The following DAB1 variants were observed in gnomAD, a reference collection of about 807,000 sequenced individuals.
DAB1 encodes disabled homolog 1.
Under a neutral mutation model 64.6 loss-of-function variants are expected in DAB1, and 15 were observed. The ratio of observed to expected loss-of-function variants is 0.23; its 90% CI spans 0.16 to 0.36. The LOEUF (loss-of-function observed/expected upper bound fraction) is 0.36, where lower values mean the gene tolerates loss of function less well. Among genes scored for constraint, DAB1 ranks in the 10% least tolerant of loss-of-function variants. DAB1 has a pLI of 1.00. For missense variants in DAB1, 596 were observed against 706.7 expected (o/e 0.84, Z 1.78); for synonymous variants, 235 against 251.9 (o/e 0.93, Z 0.64).
chr1:58,388,366 T>C (rs1644450523), intron 3 of DAB1, among the ~76,000 whole-genome samples: 1 of 152,188 alleles, frequency 6.6e-6, no homozygotes, highest in Non-Finnish European at 1.5e-5. Flanking sequence ...AAAAGACTAT[T>C]GAGTGGAGAT....
intron 5 of DAB1, among the ~76,000 whole-genome samples, chr1:58,045,606 C>T (rs1041069441): frequency 1.0e-4 from 15 of 145,478 alleles, no homozygotes; most frequent in African/African-American, 3.7e-4. Flanking sequence ...AACTGTCTCT[C>T]CAAATTGCTA....
chr1:58,232,727 G>C (rs1228405440), intron 4 of DAB1, among the ~76,000 whole-genome samples: 4 of 152,170 alleles, frequency 2.6e-5, no homozygotes, highest in Non-Finnish European at 4.4e-5. Flanking sequence ...TTGATGACAG[G>C]AGATTTGCTG....
intron 6 of DAB1, among the ~76,000 whole-genome samples, chr1:57,802,856 T>A (rs1651193355): frequency 6.6e-6 from 1 of 152,206 alleles, no homozygotes; most frequent in Non-Finnish European, 1.5e-5. Context: ...GTTTTTGGTA[T>A]TTTTTAAATA....
At chr1:57,990,318 T>C (rs1457641434) in intron 5 of DAB1, among the ~76,000 whole-genome samples, 2 of 152,168 alleles carry the variant, frequency 1.3e-5, no homozygotes, top group Admixed American at 6.5e-5. Flanking sequence ...AGCCAGTAAA[T>C]GACAGAAATG....
At chr1:58,251,336 T>C (rs1660790381) in intron 4 of DAB1, among the ~76,000 whole-genome samples, 1 of 152,256 alleles carries the variant, frequency 6.6e-6, no homozygotes, top group African/African-American at 2.4e-5. Context: ...GTTTATTCTC[T>C]TGTAACCTGC....
intron 2 of DAB1, among the ~76,000 whole-genome samples, chr1:57,274,192 G>T (rs1430236761): frequency 6.6e-6 from 1 of 152,206 alleles, no homozygotes; most frequent in Non-Finnish European, 1.5e-5. Flanking sequence ...AACCCAATCT[G>T]TTAAAAATTA....
At chr1:57,183,568 A>G (rs533255241) in intron 2 of DAB1, among the ~76,000 whole-genome samples, 4 of 152,306 alleles carry the variant, frequency 2.6e-5, no homozygotes, top group East Asian at 1.9e-4. Flanking sequence ...TCCTTGTCCC[A>G]TGTCACATTC....
chr1:57,000,770 C>T (rs546896430), intron 14 of DAB1, among the ~76,000 whole-genome samples: 17 of 152,262 alleles, frequency 1.1e-4, no homozygotes, highest in African/African-American at 3.9e-4. Context: ...TTTGGATGCC[C>T]CAAGAAGTCA....
intron 7 of DAB1, among the ~76,000 whole-genome samples, chr1:57,511,705 C>T (rs1644407228): frequency 6.6e-6 from 1 of 152,156 alleles, no homozygotes; most frequent in African/African-American, 2.4e-5. Context: ...CAATGCCTAG[C>T]ACATAGTGGA....
chr1:58,381,251 T>C (rs1014542705), intron 3 of DAB1, among the ~76,000 whole-genome samples: 1 of 152,004 alleles, frequency 6.6e-6, no homozygotes, highest in African/African-American at 2.4e-5. Flanking sequence ...ATGGCACACA[T>C]TTACCTAAGT....
At chr1:57,996,934 A>G (rs1447198809) in intron 5 of DAB1, among the ~76,000 whole-genome samples, 4 of 152,128 alleles carry the variant, frequency 2.6e-5, no homozygotes, top group Non-Finnish European at 5.9e-5. Context: ...GTAGGTAGTT[A>G]GGCATGAGCA....
chr1:57,488,481 A>G (rs2101266806), intron 7 of DAB1, among the ~76,000 whole-genome samples: 1 of 151,480 alleles, frequency 6.6e-6, no homozygotes, highest in African/African-American at 2.4e-5. Flanking sequence ...GTTTGAGACC[A>G]GCCTGACCAA....
chr1:57,855,106 T>G (rs1486297000), intron 1 of DAB1, among the ~76,000 whole-genome samples: 1 of 152,116 alleles, frequency 6.6e-6, no homozygotes, highest in Middle Eastern at 3.2e-3. Context: ...TTTTGATTGA[T>G]TTCTCATCTG....
intron 5 of DAB1, among the ~76,000 whole-genome samples, chr1:58,107,978 G>A (rs1421702121): frequency 6.6e-6 from 1 of 152,076 alleles, no homozygotes; most frequent in Non-Finnish European, 1.5e-5. Context: ...AAATGAATGG[G>A]GAAATCTGAA....
chr1:58,328,289 C>T (rs1308012142), intron 4 of DAB1, among the ~76,000 whole-genome samples: 1 of 152,210 alleles, frequency 6.6e-6, no homozygotes, highest in African/African-American at 2.4e-5. Flanking sequence ...CTATCAATTT[C>T]GCTTTCTAAG....
chr1:58,283,804 G>A (rs1305759330), intron 4 of DAB1, among the ~76,000 whole-genome samples: 4 of 152,160 alleles, frequency 2.6e-5, no homozygotes, highest in Non-Finnish European at 5.9e-5. Flanking sequence ...TTTTGGAGCT[G>A]CCCACATTGT....
At chr1:57,202,450 G>A (rs532353051) in intron 2 of DAB1, among the ~76,000 whole-genome samples, 1 of 152,278 alleles carries the variant, frequency 6.6e-6, no homozygotes, top group South Asian at 2.1e-4. Context: ...GAAATGCAAA[G>A]AGAGGCCAGG....
At chr1:57,618,998 T>A (rs1331324702) in intron 7 of DAB1, among the ~76,000 whole-genome samples, 1 of 152,188 alleles carries the variant, frequency 6.6e-6, no homozygotes, top group Non-Finnish European at 1.5e-5. Context: ...AGAGCTGTCA[T>A]GAGAATTAAA....
At position 57,301,392 on chromosome 1, in the gene DAB1, C is replaced by T. The variant is rs1189167202; in HGVS notation, c.-136-10226G>A. ...GCCATGATACCATTCCTCATTTTAA[C>T]CCTACTCCATACCAGCCAGGTGAGG... On this transcript the variant is annotated intron_variant, in intron 1 of 14. Transcript: ENST00000371236. 4.6e-5 allele frequency among the ~76,000 whole-genome samples: 7 copies of T among 152,154 alleles called. No individual in the cohort carries two copies. In the East Asian group the frequency reaches 1.4e-3, roughly 29 times the overall value.
Sources: gnomAD v4.1 joint callset for allele counts (sites outside exome capture counted in the v4.1 genomes callset) on GRCh38, gnomAD v4.1.1 for gene constraint, MANE v1.5 for transcripts, NCBI Gene and HGNC (gene_info 2026-07-23, HGNC 2026-07-21) for gene names.